The following CHN2 variants were observed in gnomAD, a reference collection of about 807,000 sequenced individuals.
CHN2 encodes the protein chimerin 2, also known as beta-chimaerin.
CHN2 carries 35 observed loss-of-function variants against 56.3 expected under a neutral mutation model. The ratio of observed to expected loss-of-function variants is 0.62; its 90% CI spans 0.47 to 0.82. CHN2 has a LOEUF of 0.82. CHN2 is among the 40% of genes least tolerant of loss of function. The pLI is 0.00. For missense variants in CHN2, 491 were observed against 580.5 expected (o/e 0.85, Z 1.58); for synonymous variants, 210 against 212.8 (o/e 0.99, Z 0.12).
intron 1 of CHN2, among the ~76,000 whole-genome samples, chr7:29,234,085 G>A (rs915267058): frequency 2.0e-5 from 3 of 151,094 alleles, no homozygotes; most frequent in African/African-American, 7.3e-5. Flanking sequence ...CGCCCGCCTC[G>A]GCCTCCCAAA....
chr7:29,424,058 C>T (rs893641005), intron 6 of CHN2, among the ~76,000 whole-genome samples: 10 of 152,092 alleles, frequency 6.6e-5, no homozygotes, highest in African/African-American at 1.9e-4. Flanking sequence ...GTTTATAGGG[C>T]GGAAAACCCA....
upstream of CHN2, chr7:29,193,240 G>A (rs1375815785): frequency 6.6e-6 from 1 of 152,090 alleles, no homozygotes; most frequent in East Asian, 1.9e-4. Context: ...AGACACACTG[G>A]GATAGTATCC....
At chr7:29,442,422 T>G (rs1355782831) in intron 6 of CHN2, among the ~76,000 whole-genome samples, 2 of 152,204 alleles carry the variant, frequency 1.3e-5, no homozygotes, top group African/African-American at 4.8e-5. Flanking sequence ...CTGATCTGCA[T>G]GGACACCAGG....
intron 1 of CHN2, among the ~76,000 whole-genome samples, chr7:29,267,011 T>G (rs1278618873): frequency 6.6e-6 from 1 of 152,142 alleles, no homozygotes; most frequent in Non-Finnish European, 1.5e-5. Context: ...AGAATCAATA[T>G]GGGTCCAATC....
chr7:29,418,042 A>G (rs893595871), intron 6 of CHN2, among the ~76,000 whole-genome samples: 5 of 152,228 alleles, frequency 3.3e-5, no homozygotes, highest in Non-Finnish European at 5.9e-5. Context: ...AAATCCATAC[A>G]GTCTGCTGAG....
intron 1 of CHN2, among the ~76,000 whole-genome samples, chr7:29,341,535 T>C (rs1212763379): frequency 1.3e-5 from 2 of 150,498 alleles, no homozygotes; most frequent in African/African-American, 4.9e-5. Context: ...GAGTTGCAAG[T>C]AGTACCTGAT....
chr7:29,431,321 C>T (rs1347686668), intron 6 of CHN2, among the ~76,000 whole-genome samples: 1 of 152,132 alleles, frequency 6.6e-6, no homozygotes, highest in Non-Finnish European at 1.5e-5. Flanking sequence ...CTAGAAAATC[C>T]AAACTGGATT....
intron 12 of CHN2, among the ~76,000 whole-genome samples, chr7:29,511,904 G>C (rs1023744809): frequency 3.9e-5 from 6 of 152,052 alleles, no homozygotes; most frequent in African/African-American, 1.4e-4. Flanking sequence ...ATTCTTAAAG[G>C]CTCTGCAGTT....
At chr7:29,487,018 G>A (rs532053695) in intron 7 of CHN2, among the ~76,000 whole-genome samples, 5 of 152,150 alleles carry the variant, frequency 3.3e-5, no homozygotes, top group Non-Finnish European at 7.4e-5. Context: ...TCATAAAAGT[G>A]TGTCAGCCCT....
intron 1 of CHN2, among the ~76,000 whole-genome samples, chr7:29,264,072 C>T (rs1451710261): frequency 1.8e-4 from 25 of 139,260 alleles, no homozygotes; most frequent in African/African-American, 5.7e-4. Context: ...CCGCCCCGTC[C>T]GGGAGGTGGG....
intron 1 of CHN2, among the ~76,000 whole-genome samples, chr7:29,331,704 G>A (rs1362042729): frequency 1.3e-5 from 2 of 152,178 alleles, no homozygotes; most frequent in African/African-American, 4.8e-5. Flanking sequence ...TCATTGGATT[G>A]ACTGGGAGAG....
chr7:29,483,228 G>A, intron 7 of CHN2, among the ~76,000 whole-genome samples: 1 of 152,004 alleles, frequency 6.6e-6, no homozygotes. Context: ...ATTACCCCAG[G>A]TAAAAAGCCC....
chr7:29,468,943 G>A (rs1207439343), intron 6 of CHN2, among the ~76,000 whole-genome samples: 1 of 152,082 alleles, frequency 6.6e-6, no homozygotes, highest in African/African-American at 2.4e-5. Context: ...CTACCCATAA[G>A]TAGATTTCTG....
chr7:29,496,027 C>T lies in CHN2; in HGVS notation c.730C>T (p.Arg244Trp), dbSNP rs765752880. The change falls in exon 8 of 13, where the codon CGG (arginine) becomes TGG (tryptophan). Residue 244 changes from arginine to tryptophan, a missense_variant. By Grantham distance (101) the Arg-to-Trp change is moderately radical. Transcript: ENST00000222792. ...GTGGGGGCTCATCGCCCAAGGGGTCCGGTGCTCAGGTAGACACAGAACTTT... is the reference window on the plus strand; with the variant it reads ...GTGGGGGCTCATCGCCCAAGGGGTCTGGTGCTCAGGTAGACACAGAACTTT... ...FMWGLIAQGV[R>W]CSDCGLNVHK... is the part of the protein sequence containing the mutation. 14 of 1,612,046 alleles carry T rather than the reference C, an allele frequency of 8.7e-6. No individual in the cohort carries two copies. Among genetic ancestry groups the T allele is most frequent in the Non-Finnish European group, 1.1e-5 (13 of 1,179,250 alleles).
chr7:29,339,061 A>G (rs1796836835), intron 1 of CHN2, among the ~76,000 whole-genome samples: 1 of 152,202 alleles, frequency 6.6e-6, no homozygotes, highest in South Asian at 2.1e-4. Context: ...CAGTTAATTT[A>G]TTTTGAACCC....
intron 1 of CHN2, chr7:29,209,063 A>G (rs1784734702): frequency 1.6e-5 from 2 of 125,654 alleles, no homozygotes; most frequent in African/African-American, 3.2e-5. Context: ...CTCATTGGCT[A>G]CAGCTTTGTC....
chr7:29,226,518 A>G lies in CHN2; in HGVS notation c.49+31528A>G, dbSNP rs180915891. Among the ~76,000 whole-genome samples, 235 of 152,362 alleles carry G rather than the reference A, an allele frequency of 1.5e-3. 1 individual carries two copies. The highest frequency in any genetic ancestry group is 5.3e-3 in the African/African-American group (220 of 41,592). ...TTTATCCTATTTATTTTCAGTGCAC[A>G]GTAACCACCAGCATCAGTTTGAGTC... On this transcript the variant is annotated intron_variant, in intron 1 of 12. Coordinates refer to ENST00000222792, the MANE Select transcript of CHN2 (RefSeq NM_004067.4).
intron 6 of CHN2, among the ~76,000 whole-genome samples, chr7:29,439,423 G>C (rs898826311): frequency 6.6e-6 from 1 of 152,136 alleles, no homozygotes; most frequent in South Asian, 2.1e-4. Context: ...CCTTAGAATG[G>C]CTTTGCATGT....
At chr7:29,183,380 A>C (rs1419449816) in intron 2 of CHN2, among the ~76,000 whole-genome samples, 1 of 133,338 alleles carries the variant, frequency 7.5e-6, no homozygotes, top group Non-Finnish European at 1.6e-5. Flanking sequence ...CACCGTGCCT[A>C]GCCTTTTTTT....
Sources: allele counts gnomAD v4.1 joint callset (sites outside exome capture counted in the v4.1 genomes callset), GRCh38; gene constraint gnomAD v4.1.1; transcripts MANE v1.5; gene names NCBI Gene and HGNC (gene_info 2026-07-23, HGNC 2026-07-21).